The following MITF variants were observed in gnomAD, a reference collection of about 807,000 sequenced individuals.
MITF encodes microphthalmia-associated transcription factor.
In MITF, 17 loss-of-function variants were observed where a neutral mutation model predicts 60.5. The ratio of observed to expected loss-of-function variants is 0.28; its 90% CI spans 0.19 to 0.42. The LOEUF is 0.42. Among genes scored for constraint, MITF ranks in the 10% least tolerant of loss-of-function variants. MITF has a pLI of 1.00. For synonymous variants in MITF, 260 were observed against 248.5 expected (o/e 1.05, Z -0.43); for missense variants, 622 against 683.5 (o/e 0.91, Z 1.00).
chr3:69,818,055 G>A (rs1370276806), intron 1 of MITF, among the ~76,000 whole-genome samples: 1 of 152,166 alleles, frequency 6.6e-6, no homozygotes, highest in African/African-American at 2.4e-5. Context: ...TAGGTATGAA[G>A]TATGAATATT....
At chr3:69,838,666 A>G (rs2063577720) in intron 1 of MITF, 1 of 152,648 alleles carries the variant, frequency 6.6e-6, no homozygotes, top group African/African-American at 2.4e-5. Flanking sequence ...GTTTTAAAAT[A>G]TAAAGTGGTA....
At chr3:69,763,925 G>C (rs2062249860) in intron 1 of MITF, 5 of 1,368,540 alleles carry the variant, frequency 3.7e-6, no homozygotes, top group Non-Finnish European at 4.9e-6. Flanking sequence ...AATTGACTCT[G>C]TGCCTGTTTT....
At chr3:69,750,133 G>A (rs1403089613) in intron 1 of MITF, among the ~76,000 whole-genome samples, 1 of 152,072 alleles carries the variant, frequency 6.6e-6, no homozygotes. Flanking sequence ...TGTCCTTAGG[G>A]AGTCTCTCCC....
intron 1 of MITF, among the ~76,000 whole-genome samples, chr3:69,832,733 A>G (rs2063470275): frequency 6.6e-6 from 1 of 152,070 alleles, no homozygotes; most frequent in South Asian, 2.1e-4. Flanking sequence ...TTTCCTATTT[A>G]TACTGAATGT....
intron 2 of MITF, among the ~76,000 whole-genome samples, chr3:69,907,621 T>A (rs1673881642): frequency 6.6e-6 from 1 of 152,192 alleles, no homozygotes; most frequent in Admixed American, 6.5e-5. Context: ...GAAATCACCC[T>A]TGATTTCAGG....
At chr3:69,957,172 T>G (rs1170203981) in intron 8 of MITF, among the ~76,000 whole-genome samples, 1 of 152,158 alleles carries the variant, frequency 6.6e-6, no homozygotes, top group African/African-American at 2.4e-5. Flanking sequence ...AAGTCTTTCC[T>G]ACCAGCCTAT....
intron 5 of MITF, among the ~76,000 whole-genome samples, chr3:69,945,694 G>A (rs941900146): frequency 2.0e-5 from 3 of 152,282 alleles, no homozygotes; most frequent in South Asian, 4.2e-4. Context: ...TGACATTTGG[G>A]ATGGATAAGT....
chr3:69,863,353 T>C (rs2064051358), intron 1 of MITF, among the ~76,000 whole-genome samples: 1 of 152,214 alleles, frequency 6.6e-6, no homozygotes, highest in Non-Finnish European at 1.5e-5. Flanking sequence ...TTCATTGCTG[T>C]ATCCAAGAAG....
chr3:69,840,571 CA>C (rs1319661612), intron 1 of MITF, among the ~76,000 whole-genome samples: 2 of 151,744 alleles, frequency 1.3e-5, no homozygotes, highest in African/African-American at 4.8e-5. Context: ...AATGACTTAC[CA>C]AAGAGCTTTT....
chr3:69,907,768 A>G (rs1174320835), intron 2 of MITF, among the ~76,000 whole-genome samples: 1 of 152,084 alleles, frequency 6.6e-6, no homozygotes, highest in Non-Finnish European at 1.5e-5. Flanking sequence ...TCACCTCTTC[A>G]CGGACATTTT....
At chr3:69,898,396 A>C (rs1270666098) in intron 2 of MITF, among the ~76,000 whole-genome samples, 1 of 152,224 alleles carries the variant, frequency 6.6e-6, no homozygotes, top group African/African-American at 2.4e-5. Context: ...AGAGATAGGC[A>C]TGGGGTCTTG....
chr3:69,964,408 C>T (rs761186268), intron 9 of MITF, among the ~76,000 whole-genome samples: 3 of 79,006 alleles, frequency 3.8e-5, no homozygotes, highest in Non-Finnish European at 5.3e-5. Flanking sequence ...TGGTACTTCT[C>T]CTATACTTTA....
chr3:69,779,975 A>G (rs1395548323), intron 1 of MITF, among the ~76,000 whole-genome samples: 1 of 152,150 alleles, frequency 6.6e-6, no homozygotes, highest in Non-Finnish European at 1.5e-5. Flanking sequence ...TCTTGCAATA[A>G]TCTGAGAGTA....
In MITF at chr3:69,965,154, C is replaced by T. The variant is rs748527966; in HGVS notation, c.1487C>T (p.Thr496Ile). The T allele has an allele frequency of 8.1e-6, 13 of 1,613,982 alleles. No homozygotes were observed. Among genetic ancestry groups the T allele is most frequent in the Admixed American group, 1.7e-5 (1 of 59,990 alleles). Residue 496 changes from threonine (T) to isoleucine (I), a missense_variant, in exon 10 of 10, where the codon ACT becomes ATT. Physicochemically the swap from Thr to Ile is moderately conservative, Grantham distance 89. Around this residue, in one of 5 missense-constraint regions of MITF, gnomAD observed 224 missense variants for 209.5 expected, o/e 1.07. Coordinates refer to ENST00000352241, the MANE Select transcript of MITF (RefSeq NM_001354604.2). The stretch of plus-strand genomic sequence containing the variant: ...GACACCCTTTCTCCCGTCGGTGTCA[C>T]TGATCCACTCCTTTCCTCAGTGTCC... ...MDDTLSPVGV[T>I]DPLLSSVSPG...
intron 2 of MITF, among the ~76,000 whole-genome samples, chr3:69,907,283 G>C (rs1458695044): frequency 1.3e-5 from 2 of 152,126 alleles, no homozygotes; most frequent in Non-Finnish European, 2.9e-5. Flanking sequence ...TGAATCACTG[G>C]ATGAAAAAGT....
intron 2 of MITF, among the ~76,000 whole-genome samples, chr3:69,899,969 C>T (rs1227069182): frequency 1.3e-5 from 2 of 152,090 alleles, no homozygotes; most frequent in Admixed American, 6.5e-5. Context: ...CCATTTTGAC[C>T]CCTCTCCACT....
At chr3:69,765,971 A>G (rs1215807137) in intron 1 of MITF, among the ~76,000 whole-genome samples, 1 of 152,248 alleles carries the variant, frequency 6.6e-6, no homozygotes, top group African/African-American at 2.4e-5. Context: ...TAAATAGAAT[A>G]AAGAGCGGAA....
intron 1 of MITF, among the ~76,000 whole-genome samples, chr3:69,745,697 A>G (rs1413205060): frequency 6.6e-6 from 1 of 152,116 alleles, no homozygotes; most frequent in African/African-American, 2.4e-5. Context: ...GAGAGGCTGC[A>G]TGCATGTGGA....
In MITF at chr3:69,948,073, G is replaced by A. The variant is rs532462312; in HGVS notation, c.763-978G>A. On this transcript the variant is annotated intron_variant, in intron 5 of 9. Transcript: ENST00000352241. ...TTCCATGTGTAATCAAGAAATGGGA[G>A]GGCTAAACGACTTAAAGTCTTACCC... Among the ~76,000 whole-genome samples, 15 of 152,202 alleles carry A rather than the reference G, an allele frequency of 9.9e-5. 2 individuals carry two copies. The South Asian group carries it at 2.7e-3, about 27-fold the overall frequency.
Sources: allele counts gnomAD v4.1 joint callset (sites outside exome capture counted in the v4.1 genomes callset), GRCh38; gene constraint gnomAD v4.1.1; regional missense constraint gnomAD v4.1.1; transcripts MANE v1.5; gene names NCBI Gene and HGNC (gene_info 2026-07-23, HGNC 2026-07-21).